GLI3: variants seen among roughly 807,000 people sequenced by gnomAD.
GLI3 encodes the protein GLI family zinc finger 3.
Under a neutral mutation model 100.8 loss-of-function variants are expected in GLI3, and 20 were observed. The ratio of observed to expected loss-of-function variants is 0.20; its 90% CI spans 0.14 to 0.29. The LOEUF is 0.29. Among genes scored for constraint, GLI3 ranks in the 10% least tolerant of loss-of-function variants. The pLI is 1.00. For synonymous variants in GLI3, 938 were observed against 860.5 expected, an observed-to-expected ratio of 1.09 and a Z score of -1.58; for missense variants, 2,040 against 2,128.5, an observed-to-expected ratio of 0.96 and a Z score of 0.82.
rs1554337068 is a variant in GLI3 at position 42,182,662 on chromosome 7, A to ATATATATATATACATGTGCGTGTG, written c.125-34195_125-34194insCACACGCACATGTATATATATATA. 1.0e-4 allele frequency among the ~76,000 whole-genome samples: 8 copies of ATATATATATATACATGTGCGTGTG among 76,714 alleles called. No individual in the cohort carries two copies. The South Asian group carries it at 1.9e-3, about 18-fold the overall frequency. 50.3% of individuals were successfully genotyped at this position (76,714 alleles called of 152,430 possible). On this transcript the variant is annotated intron_variant, in intron 2 of 14. Transcript: ENST00000395925. ...TGTGTGTGTATATATATATATATAT[A>ATATATATATATACATGTGCGTGTG]TATATATATATATATATATACACAT...
chr7:42,000,890 C>T (rs1408939525), intron 10 of GLI3, among the ~76,000 whole-genome samples: 1 of 152,008 alleles, frequency 6.6e-6, no homozygotes, highest in African/African-American at 2.4e-5. Flanking sequence ...TGGAATAAAC[C>T]AGACCTGAAC....
intron 2 of GLI3, among the ~76,000 whole-genome samples, chr7:42,208,039 G>C (rs924526846): frequency 1.3e-5 from 2 of 152,102 alleles, no homozygotes; most frequent in Admixed American, 6.5e-5. Flanking sequence ...CGTGCCTCTA[G>C]TCTCAGATAC....
At chr7:42,005,068 C>T (rs1788415081) in intron 10 of GLI3, among the ~76,000 whole-genome samples, 1 of 151,996 alleles carries the variant, frequency 6.6e-6, no homozygotes, top group Admixed American at 6.6e-5. Flanking sequence ...ATGATGAAAG[C>T]AAGACACAAA....
intron 3 of GLI3, among the ~76,000 whole-genome samples, chr7:42,141,613 G>A (rs755332297): frequency 1.6e-4 from 25 of 152,048 alleles, no homozygotes; most frequent in South Asian, 4.2e-4. Flanking sequence ...CGGAGGTTGC[G>A]GTGAGCCAAG....
chr7:41,976,324 C>T (rs771438541), intron 12 of GLI3, among the ~76,000 whole-genome samples: 2 of 152,124 alleles, frequency 1.3e-5, no homozygotes, highest in Non-Finnish European at 2.9e-5. Flanking sequence ...TTTCCATGAC[C>T]TTTTCACACA....
intron 3 of GLI3, among the ~76,000 whole-genome samples, chr7:42,089,260 G>A (rs903834546): frequency 6.6e-6 from 1 of 152,164 alleles, no homozygotes; most frequent in African/African-American, 2.4e-5. Context: ...TCCTCAATGA[G>A]TTTCCACTAA....
At chr7:42,207,173 C>T (rs549570274) in intron 2 of GLI3, among the ~76,000 whole-genome samples, 58 of 152,194 alleles carry the variant, frequency 3.8e-4, no homozygotes, top group African/African-American at 1.4e-3. Context: ...AGGTTTATGC[C>T]CAATAGAAAT....
chr7:42,094,787 G>C (rs370827682), intron 3 of GLI3, among the ~76,000 whole-genome samples: 2 of 152,146 alleles, frequency 1.3e-5, no homozygotes, highest in South Asian at 4.2e-4. Flanking sequence ...GATCTAAGCA[G>C]CACTGCCAGG....
intron 3 of GLI3, among the ~76,000 whole-genome samples, chr7:42,132,564 G>A (rs895276028): frequency 6.6e-6 from 1 of 151,948 alleles, no homozygotes; most frequent in Non-Finnish European, 1.5e-5. Context: ...AATAGTCATC[G>A]CATATAGAAA....
chr7:42,167,234 T>C (rs1402597566), intron 2 of GLI3, among the ~76,000 whole-genome samples: 1 of 152,118 alleles, frequency 6.6e-6, no homozygotes, highest in East Asian at 1.9e-4. Flanking sequence ...GAAGACAAAA[T>C]GCTAAGGACA....
chr7:42,082,675 C>T (rs780295135), intron 3 of GLI3, among the ~76,000 whole-genome samples: 1 of 152,070 alleles, frequency 6.6e-6, no homozygotes, highest in Admixed American at 6.5e-5. Context: ...AATGAGACAT[C>T]GTATTTATAT....
At chr7:42,027,565 TTAAG>T (rs1789155403) in intron 7 of GLI3, among the ~76,000 whole-genome samples, 1 of 152,116 alleles carries the variant, frequency 6.6e-6, no homozygotes, top group Non-Finnish European at 1.5e-5. Context: ...TTCAACAACT[TTAAG>T]TAATAATTCC....
At chr7:42,128,628 G>T (rs1786193465) in intron 3 of GLI3, among the ~76,000 whole-genome samples, 1 of 152,232 alleles carries the variant, frequency 6.6e-6, no homozygotes, top group Non-Finnish European at 1.5e-5. Context: ...AAGTAAGAAA[G>T]TTATAAAGAA....
chr7:42,123,474 T>C (rs1786050846), intron 3 of GLI3, among the ~76,000 whole-genome samples: 1 of 152,248 alleles, frequency 6.6e-6, no homozygotes, highest in Admixed American at 6.5e-5. Flanking sequence ...ATATTTCTAT[T>C]TCCTAAAAGG....
At chr7:42,003,184 T>C (rs1237027150) in intron 10 of GLI3, among the ~76,000 whole-genome samples, 6 of 152,120 alleles carry the variant, frequency 3.9e-5, no homozygotes, top group African/African-American at 1.4e-4. Flanking sequence ...TATTTTGAAA[T>C]ATCAAAAGAA....
chr7:42,176,474 CA>C (rs1384005724), intron 2 of GLI3, among the ~76,000 whole-genome samples: 1 of 152,216 alleles, frequency 6.6e-6, no homozygotes, highest in African/African-American at 2.4e-5. Context: ...GTTCCTTCTG[CA>C]GTCAGAAGAA....
intron 4 of GLI3, among the ~76,000 whole-genome samples, chr7:42,068,566 G>T (rs1267751451): frequency 6.6e-6 from 1 of 152,140 alleles, no homozygotes; most frequent in South Asian, 2.1e-4. Flanking sequence ...TAGCAAGCAG[G>T]TTCCTGGAAA....
rs74458588 is a variant in GLI3 at position 42,010,307 on chromosome 7, C to T, written c.1497+13161G>A. Among the ~76,000 whole-genome samples, 435 of 152,266 alleles carry T rather than the reference C, an allele frequency of 2.9e-3. 1 individual carries two copies. The highest frequency in any genetic ancestry group is 9.5e-3 in the African/African-American group (394 of 41,542). ...TGTGAGGCTGCGGCTTAAAGTGGGACGGTAAATAACACAGGGCTGGGTAGG... is the reference window on the plus strand; with the variant it reads ...TGTGAGGCTGCGGCTTAAAGTGGGATGGTAAATAACACAGGGCTGGGTAGG... On this transcript the variant is annotated intron_variant, in intron 10 of 14. Transcript: ENST00000395925.
chr7:41,964,544 A>G lies in GLI3; in HGVS notation c.4529T>C (p.Ile1510Thr). 1.2e-6 allele frequency: 2 copies of G among 1,613,942 alleles called. No homozygotes were observed. Among genetic ancestry groups the G allele is most frequent in the Non-Finnish European group, 1.7e-6 (2 of 1,179,780 alleles). The change falls in exon 15 of 15, where the codon ATA (isoleucine) becomes ACA (threonine). Residue 1510 changes from isoleucine to threonine, a missense_variant. Ile to Thr is a moderately conservative substitution (Grantham distance 89). Transcript: ENST00000395925. ...EGVQIDFDAIIDDGDHSSLMS... is the reference protein window; with the variant it reads ...EGVQIDFDAITDDGDHSSLMS... ...CAGGCTGGAGTGGTCCCCATCGTCT[A>G]TGATGGCATCGAAGTCAATCTGTAC...
Sources: gnomAD v4.1 joint callset for allele counts (sites outside exome capture counted in the v4.1 genomes callset) on GRCh38, gnomAD v4.1.1 for gene constraint, MANE v1.5 for transcripts, NCBI Gene and HGNC (gene_info 2026-07-23, HGNC 2026-07-21) for gene names.